Variants in SGCD observed in about 807,000 individuals in gnomAD.
SGCD encodes sarcoglycan delta.
Under a neutral mutation model 36.6 loss-of-function variants are expected in SGCD, and 18 were observed. The observed-to-expected ratio is 0.49, with a 90% confidence interval of 0.34 to 0.73. The LOEUF (loss-of-function observed/expected upper bound fraction) is 0.73. Among genes scored for constraint, SGCD ranks in the 30% least tolerant of loss-of-function variants. The pLI, the probability that SGCD is intolerant of heterozygous loss-of-function variation, is 0.01. For missense variants in SGCD, 387 were observed against 346.7 expected, an observed-to-expected ratio of 1.12 and a Z score of -0.92; for synonymous variants, 133 against 130.6, an observed-to-expected ratio of 1.02 and a Z score of -0.12.
the SGCD span, among the ~76,000 whole-genome samples, chr5:155,772,352 C>T: frequency 2.6e-5 from 4 of 152,272 alleles, no homozygotes; most frequent in Non-Finnish European, 5.9e-5. Flanking sequence ...ATTCCAAGTG[C>T]TTTCATCTTC....
At chr5:156,206,994 G>C (rs1031197968) in intron 3 of SGCD, among the ~76,000 whole-genome samples, 1 of 151,970 alleles carries the variant, frequency 6.6e-6, no homozygotes, top group Non-Finnish European at 1.5e-5. Flanking sequence ...ATATCAAAAA[G>C]ATATTAATAA....
intron 1 of SGCD, among the ~76,000 whole-genome samples, chr5:156,114,203 C>G (rs1761856645): frequency 6.6e-6 from 1 of 152,064 alleles, no homozygotes; most frequent in Non-Finnish European, 1.5e-5. Context: ...AGAAATGTAG[C>G]ACGCCAGTTG....
At chr5:156,017,110 G>A (rs1759000372) in intron 1 of SGCD, among the ~76,000 whole-genome samples, 1 of 152,084 alleles carries the variant, frequency 6.6e-6, no homozygotes, top group African/African-American at 2.4e-5. Flanking sequence ...TGGGAAATTT[G>A]CATTTCTCTT....
chr5:155,816,853 G>A, the SGCD span, among the ~76,000 whole-genome samples: 1 of 152,068 alleles, frequency 6.6e-6, no homozygotes, highest in African/African-American at 2.4e-5. Flanking sequence ...AAGTAGTTTG[G>A]TTCATAAAAA....
At chr5:155,762,265 C>A in the SGCD span, among the ~76,000 whole-genome samples, 4 of 152,038 alleles carry the variant, frequency 2.6e-5, no homozygotes, top group Non-Finnish European at 4.4e-5. Flanking sequence ...CATGTTCAGA[C>A]AAATCACAAT....
chr5:156,370,256 A>C (rs1317417672), intron 3 of SGCD, among the ~76,000 whole-genome samples: 2 of 152,222 alleles, frequency 1.3e-5, no homozygotes, highest in Non-Finnish European at 2.9e-5. Context: ...ATGAAAAAAC[A>C]GAGTGCCAAG....
At chr5:155,841,297 T>C in the SGCD span, among the ~76,000 whole-genome samples, 2 of 152,208 alleles carry the variant, frequency 1.3e-5, no homozygotes, top group Non-Finnish European at 2.9e-5. Context: ...AAATATTCAA[T>C]GAAATATTGC....
chr5:156,376,048 A>G (rs1008622006), intron 3 of SGCD, among the ~76,000 whole-genome samples: 1 of 152,206 alleles, frequency 6.6e-6, no homozygotes, highest in African/African-American at 2.4e-5. Context: ...TCAGTGCTTA[A>G]CCGTGTGAGG....
At chr5:156,182,905 G>A (rs1763643703) in intron 3 of SGCD, among the ~76,000 whole-genome samples, 1 of 152,202 alleles carries the variant, frequency 6.6e-6, no homozygotes, top group South Asian at 2.1e-4. Flanking sequence ...CCATCACTGT[G>A]AGGATACACC....
intron 1 of SGCD, among the ~76,000 whole-genome samples, chr5:156,025,212 T>C (rs2127574289): frequency 1.3e-5 from 2 of 152,264 alleles, no homozygotes; most frequent in South Asian, 2.1e-4. Flanking sequence ...CAGCATGGTG[T>C]TCATGATCTC....
At chr5:156,738,851 A>G (rs1249711719) in intron 7 of SGCD, among the ~76,000 whole-genome samples, 2 of 152,244 alleles carry the variant, frequency 1.3e-5, no homozygotes, top group Non-Finnish European at 2.9e-5. Context: ...TCTTTTGAAC[A>G]TGAGAAATAG....
chr5:155,876,715 A>G (rs1398720172), intron 1 of SGCD, among the ~76,000 whole-genome samples: 1 of 152,086 alleles, frequency 6.6e-6, no homozygotes, highest in African/African-American at 2.4e-5. Flanking sequence ...AGGTTTACTT[A>G]GGGCATTAAA....
chr5:156,487,812 A>AG (rs1448281349), intron 3 of SGCD, among the ~76,000 whole-genome samples: 11 of 138,108 alleles, frequency 8.0e-5, no homozygotes, highest in African/African-American at 2.8e-4. Context: ...AAAAAAAAAA[A>AG]AAAAGAAAGA....
intron 4 of SGCD, among the ~76,000 whole-genome samples, chr5:156,571,022 T>G (rs914165343): frequency 3.2e-4 from 49 of 152,088 alleles, no homozygotes; most frequent in African/African-American, 8.9e-4. Context: ...ACCATTCTCT[T>G]TCTTTTCATC....
At chr5:156,518,563 T>C (rs1032420369) in intron 4 of SGCD, among the ~76,000 whole-genome samples, 1 of 152,154 alleles carries the variant, frequency 6.6e-6, no homozygotes, top group African/African-American at 2.4e-5. Context: ...TGGCACTTAC[T>C]GTAAAAGTGA....
At chr5:156,521,182 C>T (rs1034048607) in intron 4 of SGCD, among the ~76,000 whole-genome samples, 1 of 152,120 alleles carries the variant, frequency 6.6e-6, no homozygotes, top group Admixed American at 6.6e-5. Flanking sequence ...CCCTTCCTTA[C>T]ACCATATACA....
chr5:156,318,127 A>G (rs1346780492), intron 3 of SGCD, among the ~76,000 whole-genome samples: 1 of 152,216 alleles, frequency 6.6e-6, no homozygotes, highest in Non-Finnish European at 1.5e-5. Flanking sequence ...AGACTCACAC[A>G]TTAACCAACT....
intron 1 of SGCD, among the ~76,000 whole-genome samples, chr5:155,882,518 C>T (rs1262880558): frequency 6.6e-6 from 1 of 152,216 alleles, no homozygotes; most frequent in Non-Finnish European, 1.5e-5. Flanking sequence ...ACTTGAAAGT[C>T]AAAATTACTT....
Position 156,508,633 on chromosome 5 carries a change from A to G in SGCD, c.225A>G (p.Lys75=). ...DGMGNLRITE[K]GLKLEGDSEF... is the part of the protein sequence containing the mutation. The stretch of plus-strand genomic sequence containing the variant: ...TGGGAAACCTGAGGATCACAGAAAA[A>G]GGTCTAAAGCTAGAAGGAGACTCTG... Residue 75 remains lysine (K), a synonymous_variant, in exon 4 of 9, where the codon AAA becomes AAG. Coordinates refer to ENST00000337851, the MANE Select transcript of SGCD (RefSeq NM_000337.6). 1 of 1,609,394 alleles carries G rather than the reference A, an allele frequency of 6.2e-7. No individual in the cohort carries two copies. Among genetic ancestry groups the G allele is most frequent in the Non-Finnish European group, 8.5e-7 (1 of 1,176,170 alleles).
Sources: gnomAD v4.1 joint callset for allele counts (sites outside exome capture counted in the v4.1 genomes callset) on GRCh38, gnomAD v4.1.1 for gene constraint, MANE v1.5 for transcripts, NCBI Gene and HGNC (gene_info 2026-07-23, HGNC 2026-07-21) for gene names.